The following MXI1 variants were observed in gnomAD, a reference collection of about 807,000 sequenced individuals.
The protein encoded by MXI1 is max-interacting protein 1.
Under a neutral mutation model 36.9 loss-of-function variants are expected in MXI1, and 18 were observed. That is an observed-to-expected ratio of 0.49 (90% CI 0.34 to 0.72). MXI1 has a LOEUF of 0.72. Among genes scored for constraint, MXI1 ranks in the 30% least tolerant of loss-of-function variants. The pLI is 0.01. For missense variants in MXI1, 304 were observed against 379.1 expected (o/e 0.80, Z 1.64); for synonymous variants, 160 against 146.7 (o/e 1.09, Z -0.65).
intron 3 of MXI1, among the ~76,000 whole-genome samples, chr10:110,269,521 A>G (rs905596940): frequency 1.3e-5 from 2 of 152,226 alleles, no homozygotes; most frequent in East Asian, 1.9e-4. Context: ...ATCCTGGACA[A>G]TAATTTGATA....
rs1857390008 is a variant in MXI1 at position 110,284,808 on chromosome 10, T to TTG, written c.725-15_725-14insGT. On this transcript the variant is annotated splice_polypyrimidine_tract_variant and intron_variant, in intron 5 of 5. Coordinates refer to ENST00000332674, the MANE Select transcript of MXI1 (RefSeq NM_130439.3). Reference sequence around the variant, plus strand: ...TCGATAATTAATGTTCTTCTTTTTTTTTTTTCCTTTGGCAGAGGAGATTGA... The same window carrying TTG: ...TCGATAATTAATGTTCTTCTTTTTTTTGTTTTTCCTTTGGCAGAGGAGATTGA... 1.0e-5 allele frequency: 16 copies of TTG among 1,583,058 alleles called. No homozygotes were observed. Among genetic ancestry groups the TTG allele is most frequent in the Non-Finnish European group, 1.4e-5 (16 of 1,169,920 alleles).
Position 110,223,425 on chromosome 10 carries a change from C to A in MXI1, c.275-4764C>A, listed in dbSNP as rs566103535. Among the ~76,000 whole-genome samples, 3 of 151,862 alleles carry A rather than the reference C, an allele frequency of 2.0e-5. No homozygotes were observed. The East Asian group carries it at 5.8e-4, about 29-fold the overall frequency. ...GGTGAAACCCTGTCTCTACGAAAAT[C>A]AAAAAATTAGCTGGGCGTGGTGGCA... is the stretch of plus-strand genomic sequence containing the variant. On this transcript the variant is annotated intron_variant, in intron 1 of 5. Coordinates refer to ENST00000332674, the MANE Select transcript of MXI1 (RefSeq NM_130439.3).
At chr10:110,209,932 AC>A (rs984591719) in intron 1 of MXI1, among the ~76,000 whole-genome samples, 2 of 63,050 alleles carry the variant, frequency 3.2e-5, no homozygotes, top group African/African-American at 6.5e-5. Context: ...TACCCCAGCC[AC>A]CCCCCCTCAC....
chr10:110,250,242 A>C (rs143060294), intron 3 of MXI1, among the ~76,000 whole-genome samples: 5 of 152,226 alleles, frequency 3.3e-5, no homozygotes, highest in Non-Finnish European at 5.9e-5. Context: ...TTTGTTACCT[A>C]TGTACCAACC....
intron 3 of MXI1, among the ~76,000 whole-genome samples, chr10:110,247,646 T>C (rs949356479): frequency 1.3e-5 from 2 of 152,184 alleles, no homozygotes; most frequent in African/African-American, 4.8e-5. Context: ...CACAATGAGA[T>C]GCCATCTCAC....
intron 1 of MXI1, among the ~76,000 whole-genome samples, chr10:110,208,948 G>T (rs1854435155): frequency 6.6e-6 from 1 of 152,196 alleles, no homozygotes; most frequent in African/African-American, 2.4e-5. Context: ...TTGAGTGAGC[G>T]CACAGGGCAA....
intron 3 of MXI1, among the ~76,000 whole-genome samples, chr10:110,266,269 A>C (rs1241007258): frequency 1.3e-5 from 2 of 152,000 alleles, no homozygotes; most frequent in Non-Finnish European, 2.9e-5. Flanking sequence ...CACCATGCCC[A>C]GCTAATTTTT....
At position 110,226,408 on chromosome 10, in the gene MXI1, G is replaced by A. The variant is rs570485715; in HGVS notation, c.275-1781G>A. On this transcript the variant is annotated intron_variant, in intron 1 of 5. Transcript: ENST00000332674. ...TGAGGTGAGGTGTGCGCGCATGTGAGGGGAGGGGTGTGCGCGCGTGAGGGT... is the reference window on the plus strand; with the variant it reads ...TGAGGTGAGGTGTGCGCGCATGTGAAGGGAGGGGTGTGCGCGCGTGAGGGT... The A allele has an allele frequency of 3.9e-5, 46 of 1,179,756 alleles. 1 individual carries two copies. In the South Asian group the frequency reaches 1.3e-3, roughly 33 times the overall value. The allele number at this position is 1,179,756 out of a possible 1,614,324, so 73.1% of individuals were successfully genotyped here.
At chr10:110,277,710 C>T (rs1272154170) in intron 3 of MXI1, among the ~76,000 whole-genome samples, 1 of 152,176 alleles carries the variant, frequency 6.6e-6, no homozygotes, top group Non-Finnish European at 1.5e-5. Context: ...AGGTACTGAA[C>T]TCAATAAAGA....
rs527495037 is a variant in MXI1 at position 110,232,023 on chromosome 10, C to T, written c.407+3702C>T. 3.3e-5 allele frequency among the ~76,000 whole-genome samples: 5 copies of T among 152,046 alleles called. No individual in the cohort carries two copies. The South Asian group carries it at 8.3e-4, about 25-fold the overall frequency. On this transcript the variant is annotated intron_variant, in intron 2 of 5. Transcript: ENST00000332674. ...TTGCCCAGGCTGGAGTGCAGTGGCG[C>T]GATCTCAGCTCGCTGCAAGCTCTGC...
intron 3 of MXI1, among the ~76,000 whole-genome samples, chr10:110,256,410 CCTGA>C (rs1856294459): frequency 1.3e-5 from 2 of 151,686 alleles, no homozygotes; most frequent in South Asian, 4.2e-4. Flanking sequence ...TCAAGACCAG[CCTGA>C]CTAACATGGA....
intron 1 of MXI1, among the ~76,000 whole-genome samples, chr10:110,210,016 C>T (rs1269305702): frequency 6.9e-6 from 1 of 145,210 alleles, no homozygotes; most frequent in Non-Finnish European, 1.5e-5. Context: ...CGCAGACAAT[C>T]GGAGACCTCC....
intron 2 of MXI1, among the ~76,000 whole-genome samples, chr10:110,236,536 G>T (rs1457113955): frequency 6.6e-6 from 1 of 152,020 alleles, no homozygotes; most frequent in Non-Finnish European, 1.5e-5. Flanking sequence ...GCCCACTGCA[G>T]CCTTAACCTT....
intron 3 of MXI1, among the ~76,000 whole-genome samples, chr10:110,258,342 A>T (rs1300496852): frequency 1.3e-5 from 2 of 152,174 alleles, no homozygotes; most frequent in Admixed American, 1.3e-4. Flanking sequence ...GTCCAGTTGC[A>T]GGGCTGAATT....
At chr10:110,227,630 A>C in intron 1 of MXI1, 5 of 865,872 alleles carry the variant, frequency 5.8e-6, no homozygotes, top group Non-Finnish European at 6.9e-6. Flanking sequence ...AGCGGGGGAA[A>C]ACCGGTGGAG....
At chr10:110,236,550 G>A (rs1057299809) in intron 2 of MXI1, among the ~76,000 whole-genome samples, 1 of 151,864 alleles carries the variant, frequency 6.6e-6, no homozygotes, top group Admixed American at 6.6e-5. Context: ...TAACCTTCTC[G>A]GGCTCAGGTG....
At chr10:110,266,188 A>G (rs1316928883) in intron 3 of MXI1, among the ~76,000 whole-genome samples, 5 of 151,872 alleles carry the variant, frequency 3.3e-5, no homozygotes, top group Non-Finnish European at 7.4e-5. Context: ...GCTCACTGCA[A>G]CCTCTGCCTC....
At chr10:110,279,474 T>C (rs1447319809) in intron 4 of MXI1, among the ~76,000 whole-genome samples, 180 bp downstream of exon 4, 2 of 152,230 alleles carry the variant, frequency 1.3e-5, no homozygotes, top group Admixed American at 1.3e-4. Context: ...CTGATTAAAC[T>C]AAATTGTTTT....
intron 3 of MXI1, among the ~76,000 whole-genome samples, chr10:110,250,844 A>AAT (rs1856053969): frequency 6.8e-6 from 1 of 147,360 alleles, no homozygotes; most frequent in Admixed American, 6.8e-5. Context: ...AAAAAAAAAA[A>AAT]AAAATAACAA....
Sources: gnomAD v4.1 joint callset for allele counts (sites outside exome capture counted in the v4.1 genomes callset) on GRCh38, gnomAD v4.1.1 for gene constraint, MANE v1.5 for transcripts, NCBI Gene and HGNC (gene_info 2026-07-23, HGNC 2026-07-21) for gene names.